Variants in CNGB1 observed in about 807,000 individuals in gnomAD.
CNGB1 encodes the protein cyclic nucleotide-gated channel beta-1.
In CNGB1, 126 loss-of-function variants were observed where a neutral mutation model predicts 151.7. The ratio of observed to expected loss-of-function variants is 0.83; its 90% CI spans 0.72 to 0.96. The LOEUF is 0.96. CNGB1 is among the 40% of genes least tolerant of loss of function. The probability of loss-of-function intolerance (pLI) is 0.00; values close to 1 mark genes in which losing one functional copy is unlikely to be tolerated. For synonymous variants in CNGB1, 623 were observed against 635.1 expected (o/e 0.98, Z 0.29); for missense variants, 1,698 against 1,627.0 (o/e 1.04, Z -0.75).
At chr16:57,888,306 G>A (rs1243091808) in intron 31 of CNGB1, among the ~76,000 whole-genome samples, 4 of 152,176 alleles carry the variant, frequency 2.6e-5, no homozygotes, top group African/African-American at 7.2e-5. Context: ...GTACCTTAGA[G>A]ATGAGGAAAA....
chr16:57,911,433 T>C (rs411277), intron 25 of CNGB1, among the ~76,000 whole-genome samples: 93,129 of 152,024 alleles, frequency 0.61, 29,629 homozygotes, highest in African/African-American at 0.8. Flanking sequence ...GGATTACAGG[T>C]GTGCATCACC....
chr16:57,884,669 G>C (rs372060639), intron 32 of CNGB1, among the ~76,000 whole-genome samples: 1 of 152,068 alleles, frequency 6.6e-6, no homozygotes, highest in African/African-American at 2.4e-5. Flanking sequence ...TAAAAGTCCC[G>C]GTTGGATTTC....
chr16:57,949,324 G>T, intron 14 of CNGB1, 29 bp downstream of exon 14: 1 of 1,605,128 alleles, frequency 6.2e-7, no homozygotes, highest in Non-Finnish European at 8.5e-7. Context: ...CCCCAGGGCC[G>T]TTCCCAGACA....
rs756885471 is a variant in CNGB1, at chr16:57,904,873, T to C, written c.2495A>G (p.Tyr832Cys). The stretch of plus-strand genomic sequence containing the variant: ...CACAGCAAAGTAGTAACAGCGAATA[T>C]AACTGGAGAGAGAGGAGAAAGGGAA... ...HWVYDGVGNS[Y>C]IRCYYFAVKT... The change falls in exon 26 of 33, where the codon TAT becomes TGT. Residue 832 changes from tyrosine (Y) to cysteine (C), a missense_variant and splice_region_variant. Coordinates refer to ENST00000251102, the MANE Select transcript of CNGB1 (RefSeq NM_001297.5). 1.2e-6 allele frequency: 2 copies of C among 1,614,068 alleles called. No individual in the cohort carries two copies. The highest frequency in any genetic ancestry group is 2.2e-5 in the East Asian group (1 of 44,876).
At position 57,931,725 on chromosome 16, in the gene CNGB1, C is replaced by T. The variant is rs756544054; in HGVS notation, c.1526G>A (p.Gly509Glu). Reference protein sequence around the residue: ...DTLIVPSSASGTHRKKLPSED... With the variant: ...DTLIVPSSASETHRKKLPSED... The stretch of plus-strand genomic sequence containing the variant: ...AAGCATAAAAGGTAACCTGTGTGTC[C>T]CCGAGGCTGAGCTTGGGACTATAAG... Residue 509 changes from glycine to glutamate, a missense_variant, in exon 17 of 33, where the codon GGG becomes GAG. By Grantham distance (98) the Gly-to-Glu change is moderately conservative (BLOSUM62 -2). Transcript: ENST00000251102. 1 of 1,614,072 alleles carries T rather than the reference C, an allele frequency of 6.2e-7. No individual in the cohort carries two copies. The highest frequency in any genetic ancestry group is 8.5e-7 in the Non-Finnish European group (1 of 1,180,014).
intron 31 of CNGB1, among the ~76,000 whole-genome samples, chr16:57,892,215 G>A (rs1960110836): frequency 6.6e-6 from 1 of 152,168 alleles, no homozygotes; most frequent in African/African-American, 2.4e-5. Context: ...TGCTGCTCTG[G>A]GCATGTCCTT....
intron 2 of CNGB1, among the ~76,000 whole-genome samples, chr16:57,965,657 T>TACACATACACGTG (rs56228124): frequency 6.6e-6 from 1 of 151,530 alleles, no homozygotes; most frequent in Non-Finnish European, 1.5e-5. Flanking sequence ...TATGTGTATA[T>TACACATACACGTG]ACACATTCAC....
At chr16:57,950,572 G>A (rs1174958118) in intron 12 of CNGB1, 32 bp from the exon 13 acceptor site, 4 of 1,613,268 alleles carry the variant, frequency 2.5e-6, no homozygotes, top group Admixed American at 1.7e-5. Context: ...CCATTTATGG[G>A]ATGTGCGGGA....
intron 21 of CNGB1, 142 bp downstream of exon 21, chr16:57,917,126 T>C: frequency 1.3e-6 from 1 of 749,066 alleles, no homozygotes; most frequent in South Asian, 1.5e-5. Flanking sequence ...AACCATGCTA[T>C]TGAACAAGCA....
At chr16:57,962,458 C>G (rs1185814350) in intron 7 of CNGB1, 107 bp downstream of exon 7, 1 of 990,448 alleles carries the variant, frequency 1.0e-6, no homozygotes, top group African/African-American at 1.6e-5. Context: ...GGAGGCATGT[C>G]CAAGGTCACA....
chr16:57,934,867 G>C (rs1452526986), intron 16 of CNGB1, among the ~76,000 whole-genome samples: 1 of 151,570 alleles, frequency 6.6e-6, no homozygotes, highest in African/African-American at 2.4e-5. Flanking sequence ...TGAGACAGGT[G>C]AATGGCGTGA....
At chr16:57,897,582 T>G in intron 30 of CNGB1, 39 bp from the exon 31 acceptor site, 1 of 1,612,992 alleles carries the variant, frequency 6.2e-7, no homozygotes, top group Non-Finnish European at 8.5e-7. Flanking sequence ...CTTCAGAGAC[T>G]GCCGTTTCGG....
intron 1 of CNGB1, among the ~76,000 whole-genome samples, chr16:57,968,270 G>A (rs1457676257): frequency 2.0e-5 from 3 of 152,194 alleles, no homozygotes; most frequent in Non-Finnish European, 4.4e-5. Flanking sequence ...GGCTGAGGTG[G>A]GTGGATCACT....
chr16:57,908,295 G>A (rs941705517), intron 25 of CNGB1, among the ~76,000 whole-genome samples: 10 of 152,230 alleles, frequency 6.6e-5, no homozygotes, highest in African/African-American at 1.7e-4. Context: ...ATACTGGGAG[G>A]GGACGTTCTG....
At chr16:57,923,069 G>C (rs1961087584) in intron 18 of CNGB1, 3 of 463,074 alleles carry the variant, frequency 6.5e-6, no homozygotes, top group Non-Finnish European at 1.2e-5. Flanking sequence ...GCTGGGCCCA[G>C]AGGTTGAGCC....
intron 2 of CNGB1, among the ~76,000 whole-genome samples, chr16:57,966,726 A>C (rs1465248757): frequency 6.6e-6 from 1 of 152,196 alleles, no homozygotes; most frequent in Non-Finnish European, 1.5e-5. Context: ...TGAACTCTAG[A>C]GGTTGGCAAA....
chr16:57,902,153 C>T (rs1462692495), intron 27 of CNGB1, among the ~76,000 whole-genome samples: 2 of 152,116 alleles, frequency 1.3e-5, no homozygotes, highest in Non-Finnish European at 2.9e-5. Flanking sequence ...TCACTGCAAC[C>T]TCCACCTCCC....
chr16:57,955,048 T>C, intron 12 of CNGB1: 1 of 1,286,940 alleles, frequency 7.8e-7, no homozygotes, highest in Non-Finnish European at 9.9e-7. Flanking sequence ...CACGCCCGGC[T>C]ATGGGCCTTT....
In CNGB1 at chr16:57,923,360, T is replaced by C. The variant is rs922245591; in HGVS notation, c.1556A>G (p.Asp519Gly). Reference protein sequence around the residue: ...GTHRKKLPSEDDEAEELKALS... With the variant: ...GTHRKKLPSEGDEAEELKALS... ...CGCCTTGAGCTCTTCAGCCTCATCA[T>C]CCTCAGAGGGCAGCTTCTTCCTGCA... Residue 519 changes from aspartate to glycine, a missense_variant, in exon 18 of 33, where the codon GAT becomes GGT. By Grantham distance (94) the Asp-to-Gly change is moderately conservative. Transcript: ENST00000251102. The C allele has an allele frequency of 3.1e-6, 5 of 1,613,214 alleles. No homozygotes were observed. Among genetic ancestry groups the C allele is most frequent in the Non-Finnish European group, 4.2e-6 (5 of 1,179,762 alleles).
Sources: allele counts gnomAD v4.1 joint callset (sites outside exome capture counted in the v4.1 genomes callset), GRCh38; gene constraint gnomAD v4.1.1; transcripts MANE v1.5; gene names NCBI Gene and HGNC (gene_info 2026-07-23, HGNC 2026-07-21).